The following DPH6 variants were observed in gnomAD, a reference collection of about 807,000 sequenced individuals.
The protein encoded by DPH6 is diphthamine biosynthesis 6, also known as diphthine--ammonia ligase.
DPH6 carries 33 observed loss-of-function variants against 38.2 expected under a neutral mutation model. The ratio of observed to expected loss-of-function variants is 0.86; its 90% CI spans 0.65 to 1.15. The LOEUF is 1.15. Ranked by LOEUF, DPH6 falls within the 50% of genes most tolerant of loss-of-function variation. The probability of loss-of-function intolerance (pLI) is 0.00; values close to 1 mark genes in which losing one functional copy is unlikely to be tolerated. For missense variants in DPH6, 325 were observed against 320.0 expected (o/e 1.02, Z -0.12); for synonymous variants, 108 against 103.0 (o/e 1.05, Z -0.30).
intron 3 of DPH6, among the ~76,000 whole-genome samples, chr15:35,275,713 T>TAA (rs56006226): frequency 4.2e-4 from 60 of 141,964 alleles, no homozygotes; most frequent in South Asian, 2.4e-3. Context: ...GACCTTAAAG[T>TAA]AAAAAAAAAA....
chr15:35,462,304 T>C (rs1208865159), intron 3 of DPH6, among the ~76,000 whole-genome samples: 1 of 152,250 alleles, frequency 6.6e-6, no homozygotes, highest in Non-Finnish European at 1.5e-5. Flanking sequence ...ACACAAGCCA[T>C]GGCATGAAGC....
At chr15:35,161,299 C>G in the DPH6 span, among the ~76,000 whole-genome samples, 12 of 151,766 alleles carry the variant, frequency 7.9e-5, no homozygotes, top group Admixed American at 4.6e-4. Context: ...CATTTTTCCT[C>G]CTCCTTCAAC....
At chr15:35,377,344 CATCCATCATCT>C (rs1038677018) in intron 7 of DPH6, among the ~76,000 whole-genome samples, 1 of 152,004 alleles carries the variant, frequency 6.6e-6, no homozygotes, top group African/African-American at 2.4e-5. Flanking sequence ...TCCATCCATC[CATCCATCATCT>C]ATCCATCCCA....
intron 6 of DPH6, among the ~76,000 whole-genome samples, chr15:35,400,472 G>A (rs1487759538): frequency 6.6e-6 from 1 of 152,092 alleles, no homozygotes; most frequent in Non-Finnish European, 1.5e-5. Flanking sequence ...AATATTAGTG[G>A]TGGTAGCAGT....
intron 3 of DPH6, among the ~76,000 whole-genome samples, chr15:35,516,480 AAGGTATAGAGAAGT>A (rs2054849557): frequency 6.6e-6 from 1 of 152,322 alleles, no homozygotes; most frequent in South Asian, 2.1e-4. Context: ...TATGAAAGCC[AAGGTATAGAGAAGT>A]TAACTAAACT....
intron 7 of DPH6, among the ~76,000 whole-genome samples, chr15:35,375,654 T>C (rs1033161880): frequency 9.9e-5 from 15 of 152,100 alleles, no homozygotes; most frequent in African/African-American, 1.4e-4. Flanking sequence ...CCACCTGTCA[T>C]ATAGCTAGGT....
At chr15:35,285,329 G>A (rs540006019) in intron 3 of DPH6, among the ~76,000 whole-genome samples, 11 of 152,164 alleles carry the variant, frequency 7.2e-5, no homozygotes, top group South Asian at 2.1e-4. Flanking sequence ...CCCACGTGTC[G>A]TGGGAGGGAC....
intron 3 of DPH6, among the ~76,000 whole-genome samples, chr15:35,333,103 A>T (rs1352645383): frequency 6.6e-6 from 1 of 152,106 alleles, no homozygotes; most frequent in African/African-American, 2.4e-5. Context: ...TAAAAAAAAA[A>T]AAAGCTGAAA....
At position 35,337,819 on chromosome 15, in the gene DPH6, G is replaced by T. The variant is rs2052385787; in HGVS notation, n.208-6742C>A. Among the ~76,000 whole-genome samples, 7 of 152,116 alleles carry T rather than the reference G, an allele frequency of 4.6e-5. No homozygotes were observed. The South Asian group carries it at 1.0e-3, about 23-fold the overall frequency. On this transcript the variant is annotated intron_variant and non_coding_transcript_variant, in intron 3 of 3. Transcript: ENST00000558973. ...ACAGTAACCAAAACAGCATGCTACTGGTACCAAAACAGAGATATAGACCAA... is the reference window on the plus strand; with the variant it reads ...ACAGTAACCAAAACAGCATGCTACTTGTACCAAAACAGAGATATAGACCAA...
At chr15:35,292,763 C>CT (rs1242833221) in intron 3 of DPH6, among the ~76,000 whole-genome samples, 3 of 151,892 alleles carry the variant, frequency 2.0e-5, no homozygotes, top group Middle Eastern at 3.2e-3. Flanking sequence ...AGAAAATGTA[C>CT]TTTTTTTTAA....
In DPH6 at chr15:35,510,512, T is replaced by C. The variant is rs565734081; in HGVS notation, c.312+27762A>G. On this transcript the variant is annotated intron_variant, in intron 3 of 8. Coordinates refer to ENST00000256538, the MANE Select transcript of DPH6 (RefSeq NM_080650.4). The stretch of plus-strand genomic sequence containing the variant: ...TTTCCTACATTGAATAAGTAATTCA[T>C]TTTAATTCAGTTGTCCATGATTCTT... Among the ~76,000 whole-genome samples the C allele has an allele frequency of 3.3e-5, 5 of 152,326 alleles. No homozygotes were observed. In the South Asian group the frequency reaches 6.2e-4, roughly 19 times the overall value.
intron 3 of DPH6, among the ~76,000 whole-genome samples, chr15:35,352,477 G>T (rs1043678182): frequency 6.6e-6 from 1 of 151,918 alleles, no homozygotes; most frequent in African/African-American, 2.4e-5. Context: ...TCCCCTTCCT[G>T]TGTCCATGTG....
chr15:35,299,505 C>A, intron 3 of DPH6: 1 of 699,444 alleles, frequency 1.4e-6, no homozygotes, highest in Non-Finnish European at 2.6e-6. Flanking sequence ...GGCGGCAGCG[C>A]GGAGCCGGGG....
intron 6 of DPH6, among the ~76,000 whole-genome samples, chr15:35,385,483 T>C (rs749831732): frequency 1.3e-5 from 2 of 152,100 alleles, no homozygotes; most frequent in Non-Finnish European, 2.9e-5. Flanking sequence ...TGGATGAAGC[T>C]GGAAACCATT....
At chr15:35,288,612 A>G (rs2051959187) in intron 3 of DPH6, among the ~76,000 whole-genome samples, 3 of 152,174 alleles carry the variant, frequency 2.0e-5, no homozygotes, top group Non-Finnish European at 4.4e-5. Flanking sequence ...ATTTCTGCCA[A>G]GCTTCCTCTG....
intron 5 of DPH6, among the ~76,000 whole-genome samples, chr15:35,446,558 C>T (rs1329346068): frequency 6.6e-6 from 1 of 152,086 alleles, no homozygotes; most frequent in African/African-American, 2.4e-5. Context: ...TTTCTTTTCT[C>T]CAGCTTATTT....
At chr15:35,265,698 T>C (rs1159488455) in intron 3 of DPH6, among the ~76,000 whole-genome samples, 7 of 152,240 alleles carry the variant, frequency 4.6e-5, no homozygotes, top group Admixed American at 3.3e-4. Flanking sequence ...CTAATCCCCA[T>C]AATATTTTAC....
chr15:35,177,373 G>A, the DPH6 span, among the ~76,000 whole-genome samples: 6 of 151,634 alleles, frequency 4.0e-5, no homozygotes, highest in African/African-American at 4.8e-5. Context: ...CCAGGAGCTC[G>A]AGATCAGCCT....
chr15:35,540,488 G>A (rs2055236405), intron 2 of DPH6, among the ~76,000 whole-genome samples: 1 of 152,028 alleles, frequency 6.6e-6, no homozygotes, highest in East Asian at 1.9e-4. Flanking sequence ...TCAGTGAATT[G>A]TTCAATAATT....
Sources: allele counts gnomAD v4.1 joint callset (sites outside exome capture counted in the v4.1 genomes callset), GRCh38; gene constraint gnomAD v4.1.1; transcripts MANE v1.5; gene names NCBI Gene and HGNC (gene_info 2026-07-23, HGNC 2026-07-21).